Variants in ZNF33A observed in about 807,000 individuals in gnomAD.
The protein encoded by ZNF33A is brain my041 protein.
In ZNF33A, 9 loss-of-function variants were observed where a neutral mutation model predicts 15.9. That is an observed-to-expected ratio of 0.57 (90% CI 0.34 to 0.99). The LOEUF (loss-of-function observed/expected upper bound fraction) is 0.99. Ranked by LOEUF, ZNF33A falls within the 50% of genes least tolerant of loss-of-function variation. The probability of loss-of-function intolerance (pLI) is 0.02; values close to 1 mark genes in which losing one functional copy is unlikely to be tolerated. For missense variants in ZNF33A, 843 were observed against 941.6 expected, an observed-to-expected ratio of 0.90 and a Z score of 1.37; for synonymous variants, 294 against 324.2, an observed-to-expected ratio of 0.91 and a Z score of 1.00.
intron 4 of ZNF33A, among the ~76,000 whole-genome samples, chr10:38,041,809 T>G (rs534816078): frequency 6.6e-6 from 1 of 152,342 alleles, no homozygotes; most frequent in South Asian, 2.1e-4. Flanking sequence ...ATACTCAACC[T>G]GTAATTGTTA....
intron 2 of ZNF33A, among the ~76,000 whole-genome samples, chr10:38,012,606 C>A (rs2064243757): frequency 6.6e-6 from 1 of 151,492 alleles, no homozygotes; most frequent in Non-Finnish European, 1.5e-5. Context: ...TAATTTTTTG[C>A]GTTTTAATAG....
In ZNF33A at chr10:38,054,929, C is replaced by A; in HGVS notation, c.805C>A (p.Pro269Thr). The A allele has an allele frequency of 3.7e-6, 6 of 1,613,904 alleles. No individual in the cohort carries two copies. The highest frequency in any genetic ancestry group is 5.1e-6 in the Non-Finnish European group (6 of 1,179,978). Residue 269 changes from proline (P) to threonine (T), a missense_variant, in exon 5 of 5, where the codon CCG becomes ACG. Pro to Thr is a conservative substitution (Grantham distance 38). Coordinates refer to ENST00000432900, the MANE Select transcript of ZNF33A (RefSeq NM_006954.2). ...ATCCCTCTTGTTCCATCAGATATCTCCGTCAAGGGACAATCACTATGAATT... is the reference window on the plus strand; with the variant it reads ...ATCCCTCTTGTTCCATCAGATATCTACGTCAAGGGACAATCACTATGAATT... ...SSSLLFHQIS[P>T]SRDNHYEFSD... is the part of the protein sequence containing the mutation.
downstream of ZNF33A, among the ~76,000 whole-genome samples, chr10:38,063,599 C>T (rs117397980): frequency 2.5e-3 from 381 of 152,218 alleles, 2 homozygotes; most frequent in Middle Eastern, 0.027. Flanking sequence ...GAACACTATC[C>T]GGTATTATGC....
At chr10:38,045,311 G>A (rs776915781) in intron 4 of ZNF33A, among the ~76,000 whole-genome samples, 1 of 152,148 alleles carries the variant, frequency 6.6e-6, no homozygotes, top group Non-Finnish European at 1.5e-5. Flanking sequence ...GATGGCAGTG[G>A]TGTTAACAGT....
Position 38,023,949 on chromosome 10 carries a change from G to A in ZNF33A, c.250+6563G>A, listed in dbSNP as rs144348415. ...TGAGGCAGGTGGATCACCTGAGATC[G>A]GGAGTTCAAGAGCAGCCTGACCAAT... On this transcript the variant is annotated intron_variant, in intron 4 of 4. Coordinates refer to ENST00000432900, the MANE Select transcript of ZNF33A (RefSeq NM_006954.2). Among the ~76,000 whole-genome samples the A allele has an allele frequency of 9.4e-3, 1,425 of 152,026 alleles. 10 individuals carry two copies. Among genetic ancestry groups the A allele is most frequent in the Non-Finnish European group, 0.016 (1,063 of 67,970 alleles).
downstream of ZNF33A, among the ~76,000 whole-genome samples, chr10:38,062,820 G>C (rs1031871060): frequency 1.3e-5 from 2 of 151,930 alleles, no homozygotes; most frequent in Non-Finnish European, 2.9e-5. Flanking sequence ...TGGCTAACAC[G>C]GTGAAACCCT....
chr10:38,061,089 T>C (rs540939205), downstream of ZNF33A, among the ~76,000 whole-genome samples: 58 of 152,220 alleles, frequency 3.8e-4, no homozygotes, highest in African/African-American at 1.3e-3. Flanking sequence ...TGGCTGGAGC[T>C]CTCTGATTAT....
At chr10:38,066,998 C>T (rs768775729), downstream of ZNF33A, among the ~76,000 whole-genome samples, 16 of 152,158 alleles carry the variant, frequency 1.1e-4, no homozygotes, top group Admixed American at 2.0e-4. Flanking sequence ...GCAGCACTGA[C>T]CTCACTGTCC....
At chr10:38,020,375 G>A (rs1162278785) in intron 4 of ZNF33A, among the ~76,000 whole-genome samples, 2 of 151,944 alleles carry the variant, frequency 1.3e-5, no homozygotes, top group African/African-American at 4.8e-5. Context: ...TACTCTTTTA[G>A]TCACTTCAAA....
At chr10:38,037,697 T>A (rs975128828) in intron 4 of ZNF33A, among the ~76,000 whole-genome samples, 1 of 152,206 alleles carries the variant, frequency 6.6e-6, no homozygotes, top group Non-Finnish European at 1.5e-5. Flanking sequence ...TATATAGTAG[T>A]GTTTATTTGT....
chr10:38,047,856 A>G (rs1481360449), intron 4 of ZNF33A, among the ~76,000 whole-genome samples: 1 of 152,116 alleles, frequency 6.6e-6, no homozygotes, highest in Non-Finnish European at 1.5e-5. Context: ...GAAGAAAACT[A>G]CACTAAGCCA....
chr10:38,024,455 CAACTT>C lies in ZNF33A; in HGVS notation c.250+7071_250+7075del, dbSNP rs1284335358. Among the ~76,000 whole-genome samples, 5 of 152,250 alleles carry C rather than the reference CAACTT, an allele frequency of 3.3e-5. No homozygotes were observed. The East Asian group carries it at 9.7e-4, about 29-fold the overall frequency. On this transcript the variant is annotated intron_variant, in intron 4 of 4. Transcript: ENST00000432900. ...TGGTCTCTTGATAGATTGGAAAACT[CAACTT>C]AGTAAGTATGCCAGTTCTCTCCAAA... is the stretch of plus-strand genomic sequence containing the variant.
intron 4 of ZNF33A, among the ~76,000 whole-genome samples, chr10:38,022,430 G>A (rs1291950692): frequency 2.0e-5 from 3 of 152,084 alleles, no homozygotes; most frequent in African/African-American, 7.2e-5. Flanking sequence ...GCCAAGGTGG[G>A]TGTATCACCT....
chr10:38,064,028 A>G, downstream of ZNF33A: 2 of 1,526,782 alleles, frequency 1.3e-6, no homozygotes, highest in South Asian at 2.3e-5. Flanking sequence ...GGCCATCTTC[A>G]CATCAACCCT....
At chr10:38,066,193 C>T (rs1309872319), downstream of ZNF33A, among the ~76,000 whole-genome samples, 1 of 152,178 alleles carries the variant, frequency 6.6e-6, no homozygotes, top group Non-Finnish European at 1.5e-5. Flanking sequence ...TAGTTATTGA[C>T]AGTCTGGATA....
rs575077925 is a variant in ZNF33A at position 38,035,438 on chromosome 10, C to T, written c.250+18052C>T. ...TGGCTTTCCATTTACTTTCATTATT[C>T]TTTCCCTGTATACATACATGTATGG... On this transcript the variant is annotated intron_variant, in intron 4 of 4. Coordinates refer to ENST00000432900, the MANE Select transcript of ZNF33A (RefSeq NM_006954.2). Among the ~76,000 whole-genome samples the T allele has an allele frequency of 2.6e-5, 4 of 152,134 alleles. No individual in the cohort carries two copies. The South Asian group carries it at 8.3e-4, about 32-fold the overall frequency.
intron 4 of ZNF33A, among the ~76,000 whole-genome samples, chr10:38,037,214 G>C (rs2065491196): frequency 6.6e-6 from 1 of 152,096 alleles, no homozygotes; most frequent in Non-Finnish European, 1.5e-5. Flanking sequence ...ATGTAGACCT[G>C]TGATCCATTT....
chr10:38,051,458 A>AC (rs2066201480), intron 4 of ZNF33A, among the ~76,000 whole-genome samples: 1 of 152,170 alleles, frequency 6.6e-6, no homozygotes, highest in Admixed American at 6.5e-5. Flanking sequence ...AGCAAAAATT[A>AC]CTTACCATGC....
downstream of ZNF33A, among the ~76,000 whole-genome samples, chr10:38,063,822 A>C (rs1042796560): frequency 2.0e-5 from 3 of 151,922 alleles, no homozygotes; most frequent in African/African-American, 7.3e-5. Context: ...TCTTTTACCT[A>C]TTTTCACCTT....
Sources: gnomAD v4.1 joint callset for allele counts (sites outside exome capture counted in the v4.1 genomes callset) on GRCh38, gnomAD v4.1.1 for gene constraint, MANE v1.5 for transcripts, NCBI Gene and HGNC (gene_info 2026-07-23, HGNC 2026-07-21) for gene names.